PCED1B: variants seen among roughly 807,000 people sequenced by gnomAD.
The protein encoded by PCED1B is PC-esterase domain containing 1B.
For missense variants in PCED1B, 573 were observed against 573.9 expected (o/e 1.00, Z 0.02); for synonymous variants, 251 against 246.1 (o/e 1.02, Z -0.19).
At chr12:47,109,047 G>A (rs1410828584) in intron 2 of PCED1B, among the ~76,000 whole-genome samples, 1 of 152,174 alleles carries the variant, frequency 6.6e-6, no homozygotes, top group Admixed American at 6.5e-5. Context: ...AAACTTTCCA[G>A]TTGGCCTTTA....
At chr12:47,098,769 A>C (rs1938583360) in intron 1 of PCED1B, among the ~76,000 whole-genome samples, 1 of 152,152 alleles carries the variant, frequency 6.6e-6, no homozygotes, top group Non-Finnish European at 1.5e-5. Flanking sequence ...GGCGTGAGCC[A>C]CCGCGCCTGG....
chr12:47,097,005 A>C (rs1283930361), intron 1 of PCED1B, among the ~76,000 whole-genome samples: 1 of 152,228 alleles, frequency 6.6e-6, no homozygotes, highest in Non-Finnish European at 1.5e-5. Flanking sequence ...ACACTTACTA[A>C]ATGATATTTT....
intron 1 of PCED1B, among the ~76,000 whole-genome samples, chr12:47,100,994 C>G (rs1354935790): frequency 6.6e-6 from 1 of 151,908 alleles, no homozygotes; most frequent in Non-Finnish European, 1.5e-5. Context: ...CACTTGAACC[C>G]GGGAGGTGGA....
At chr12:47,152,268 C>A (rs1941021273) in intron 2 of PCED1B, among the ~76,000 whole-genome samples, 2 of 152,206 alleles carry the variant, frequency 1.3e-5, no homozygotes, top group East Asian at 1.9e-4. Flanking sequence ...AGAAACCTGG[C>A]CAAGACCACA....
At chr12:47,149,770 C>T (rs1194291535) in intron 2 of PCED1B, among the ~76,000 whole-genome samples, 1 of 152,102 alleles carries the variant, frequency 6.6e-6, no homozygotes, top group Non-Finnish European at 1.5e-5. Flanking sequence ...AGAAGAGATG[C>T]AGAGGAGTAT....
At chr12:47,223,043 GAAGAA>G (rs1255690862) in intron 3 of PCED1B, among the ~76,000 whole-genome samples, 1 of 152,070 alleles carries the variant, frequency 6.6e-6, no homozygotes, top group Non-Finnish European at 1.5e-5. Flanking sequence ...TAAGAATGTT[GAAGAA>G]GAGAAGAAAA....
intron 2 of PCED1B, among the ~76,000 whole-genome samples, chr12:47,129,793 C>T (rs994397620): frequency 6.6e-6 from 1 of 152,224 alleles, no homozygotes. Flanking sequence ...CTGGCAGGAA[C>T]TCCGAGGGAC....
intron 2 of PCED1B, chr12:47,135,868 C>T (rs1370244522): frequency 1.6e-4 from 69 of 428,610 alleles, no homozygotes; most frequent in Admixed American, 1.3e-3. Flanking sequence ...CCGGTGTTGG[C>T]AGGAGTGAAG....
At chr12:47,170,042 C>G (rs1023502045) in intron 2 of PCED1B, among the ~76,000 whole-genome samples, 2 of 151,862 alleles carry the variant, frequency 1.3e-5, no homozygotes, top group Non-Finnish European at 2.9e-5. Flanking sequence ...AGGGCCCTGC[C>G]GCCTTCCACA....
chr12:47,235,847 G>A lies in PCED1B; in HGVS notation c.784G>A (p.Val262Met), dbSNP rs780152953. The A allele has an allele frequency of 8.4e-5, 132 of 1,574,288 alleles. 3 individuals carry two copies. In the Middle Eastern group the frequency reaches 8.2e-3, roughly 97 times the overall value. ...WGVELPHRHP[V>M]GEWIKKKKPG... Reference sequence around the variant, plus strand: ...TGTGGAGCTGCCCCACCGCCACCCCGTGGGCGAGTGGATCAAGAAGAAAAA... The same window carrying A: ...TGTGGAGCTGCCCCACCGCCACCCCATGGGCGAGTGGATCAAGAAGAAAAA... Residue 262 changes from valine to methionine, a missense_variant, in exon 4 of 4, where the codon GTG becomes ATG. Physicochemically the swap from Val to Met is conservative, Grantham distance 21 (BLOSUM62 1). Transcript: ENST00000546455.
At chr12:47,178,899 A>G (rs1233338120) in intron 2 of PCED1B, among the ~76,000 whole-genome samples, 2 of 151,076 alleles carry the variant, frequency 1.3e-5, no homozygotes, top group African/African-American at 4.9e-5. Flanking sequence ...GAAAATTGGG[A>G]TGAGACTCCA....
chr12:47,207,408 C>T (rs1328198016), intron 2 of PCED1B, among the ~76,000 whole-genome samples: 1 of 152,036 alleles, frequency 6.6e-6, no homozygotes, highest in African/African-American at 2.4e-5. Flanking sequence ...CTCCCCAGAG[C>T]TGTGTGAGGC....
At chr12:47,135,787 C>T in intron 2 of PCED1B, 1 of 518,310 alleles carries the variant, frequency 1.9e-6, no homozygotes, top group South Asian at 1.4e-5. Context: ...GCTGGAGGCA[C>T]AGGGTTGTGG....
intron 2 of PCED1B, among the ~76,000 whole-genome samples, chr12:47,162,944 T>TG (rs1159107900): frequency 6.6e-6 from 1 of 152,210 alleles, no homozygotes; most frequent in Non-Finnish European, 1.5e-5. Context: ...AATTTTAGGA[T>TG]GGGTTTTTCT....
At chr12:47,080,075 CCT>C (rs1941951053) in intron 1 of PCED1B, 1 of 152,426 alleles carries the variant, frequency 6.6e-6, no homozygotes. Flanking sequence ...CTCGCCGCCT[CCT>C]CCCGCTTTCC....
rs1338570765 is a variant in PCED1B, at chr12:47,235,610, C to T, written c.547C>T (p.Arg183Trp). The change falls in exon 4 of 4, where the codon CGG (arginine) becomes TGG (tryptophan). Residue 183 changes from arginine (R) to tryptophan (W), a missense_variant. By Grantham distance (101) the Arg-to-Trp change is moderately radical. Coordinates refer to ENST00000546455, the MANE Select transcript of PCED1B (RefSeq NM_138371.3). ...TGGFLPPKLR[R>W]QKATFLKNEV... ...GGGTTTTCTTCCGCCCAAGCTCCGG[C>T]GGCAGAAGGCCACCTTCCTGAAAAA... is the stretch of plus-strand genomic sequence containing the variant. 4 of 1,608,998 alleles carry T rather than the reference C, an allele frequency of 2.5e-6. No homozygotes were observed. Among genetic ancestry groups the T allele is most frequent in the East Asian group, 4.5e-5 (2 of 44,822 alleles).
At chr12:47,092,859 C>T (rs549007629) in intron 1 of PCED1B, among the ~76,000 whole-genome samples, 9 of 152,144 alleles carry the variant, frequency 5.9e-5, no homozygotes, top group East Asian at 3.9e-4. Context: ...ACTGAACTTG[C>T]ACTCCATTTA....
intron 2 of PCED1B, among the ~76,000 whole-genome samples, chr12:47,178,865 TCA>T (rs1942008890): frequency 1.5e-5 from 1 of 68,786 alleles, no homozygotes; most frequent in African/African-American, 5.5e-5. Flanking sequence ...AGACTCCATC[TCA>T]AAAAAAAAAA....
chr12:47,115,856 T>C (rs1412742568), intron 2 of PCED1B, among the ~76,000 whole-genome samples: 1 of 152,222 alleles, frequency 6.6e-6, no homozygotes, highest in Admixed American at 6.5e-5. Flanking sequence ...TACGACAAAG[T>C]GAACTGCTAT....
Sources: allele counts gnomAD v4.1 joint callset (sites outside exome capture counted in the v4.1 genomes callset), GRCh38; gene constraint gnomAD v4.1.1; transcripts MANE v1.5; gene names NCBI Gene and HGNC (gene_info 2026-07-23, HGNC 2026-07-21).